The following RAP1GAP2 variants were observed in gnomAD, a reference collection of about 807,000 sequenced individuals.
RAP1GAP2 encodes the protein rap1 GTPase-activating protein 2.
A neutral mutation model predicts 95.0 loss-of-function variants in RAP1GAP2; 27 were observed. That is an observed-to-expected ratio of 0.28 (90% CI 0.21 to 0.39). The LOEUF (loss-of-function observed/expected upper bound fraction) is 0.39. Ranked by LOEUF, RAP1GAP2 falls within the 10% of genes least tolerant of loss-of-function variation. RAP1GAP2 has a pLI of 1.00. For missense variants in RAP1GAP2, 771 were observed against 970.0 expected, an observed-to-expected ratio of 0.79 and a Z score of 2.72; for synonymous variants, 373 against 380.9, an observed-to-expected ratio of 0.98 and a Z score of 0.24.
rs373381519 is a variant in RAP1GAP2 at position 2,850,714 on chromosome 17, C to A, written c.80+50164C>A. Among the ~76,000 whole-genome samples the A allele has an allele frequency of 7.9e-4, 112 of 141,002 alleles. 2 individuals are homozygous for A. In the South Asian group the frequency reaches 0.024, roughly 30 times the overall value. 92.5% of individuals were successfully genotyped at this position (141,002 alleles called of 152,430 possible). A position where few individuals can be genotyped will look rare whatever the true frequency, so the allele number is the denominator to read the frequency against. On this transcript the variant is annotated intron_variant, in intron 2 of 24. Coordinates refer to ENST00000254695, the MANE Select transcript of RAP1GAP2 (RefSeq NM_015085.5). ...GCAGTGAGCCAAGATCTTGCCACTG[C>A]ACTCCAGCCTGAGGGATGGAGCAAG...
chr17:2,890,090 A>G (rs114785129), intron 2 of RAP1GAP2, among the ~76,000 whole-genome samples: 1,973 of 151,362 alleles, frequency 0.013, 41 homozygotes, highest in African/African-American at 0.045. Flanking sequence ...GGTCCCTGGG[A>G]GCCAAATCAC....
chr17:3,010,240 T>C (rs551463619), intron 17 of RAP1GAP2, among the ~76,000 whole-genome samples: 1 of 145,850 alleles, frequency 6.9e-6, no homozygotes, highest in South Asian at 2.1e-4. Context: ...CTCAGGAGGC[T>C]GAGGCAGGAG....
chr17:2,779,991 C>G (rs57239883), intron 1 of RAP1GAP2, among the ~76,000 whole-genome samples: 22,606 of 151,892 alleles, frequency 0.15, 1,867 homozygotes, highest in East Asian at 0.34. Context: ...TCTAGCTGGG[C>G]CTTCCTAGGG....
chr17:2,841,112 G>A (rs894248374), intron 2 of RAP1GAP2, among the ~76,000 whole-genome samples: 2 of 151,804 alleles, frequency 1.3e-5, no homozygotes, highest in African/African-American at 4.8e-5. Flanking sequence ...CCGAGATTGC[G>A]CCACTGCACT....
intron 3 of RAP1GAP2, among the ~76,000 whole-genome samples, chr17:2,922,909 C>T (rs1414263389): frequency 1.3e-5 from 2 of 148,482 alleles, no homozygotes; most frequent in Non-Finnish European, 3.0e-5. Flanking sequence ...CTTGCACTAC[C>T]TTGGCTTGTG....
At position 2,911,260 on chromosome 17, in the gene RAP1GAP2, A is replaced by ATTTTTTTTTTTTTTTT. The variant is rs34227127; in HGVS notation, c.165+5904_165+5905insTTTTTTTTTTTTTTTT. Among the ~76,000 whole-genome samples, 120 of 131,978 alleles carry ATTTTTTTTTTTTTTTT rather than the reference A, an allele frequency of 9.1e-4. 4 individuals carry two copies. Among genetic ancestry groups the ATTTTTTTTTTTTTTTT allele is most frequent in the African/African-American group, 3.2e-3 (106 of 33,180 alleles). 86.6% of individuals were successfully genotyped at this position (131,978 alleles called of 152,430 possible). A position where few individuals can be genotyped will look rare whatever the true frequency, so the allele number is the denominator to read the frequency against. On this transcript the variant is annotated intron_variant, in intron 3 of 24. Transcript: ENST00000254695. ...CTCTTTGCTGTTTGTTTTGAAGGGG[A>ATTTTTTTTTTTTTTTT]TTTTTTTTTTTTGCTAATATGAAGC...
chr17:2,958,876 A>G (rs936165917), intron 4 of RAP1GAP2, among the ~76,000 whole-genome samples: 1 of 152,002 alleles, frequency 6.6e-6, no homozygotes, highest in Non-Finnish European at 1.5e-5. Flanking sequence ...GTTTGAAGGG[A>G]AAGTATTGTT....
intron 1 of RAP1GAP2, among the ~76,000 whole-genome samples, chr17:2,756,359 C>T (rs995675304): frequency 6.6e-6 from 1 of 152,226 alleles, no homozygotes; most frequent in Non-Finnish European, 1.5e-5. Flanking sequence ...TCCCCCTCCG[C>T]AGTCCTGGCC....
At chr17:2,811,036 C>T (rs2069752431) in intron 2 of RAP1GAP2, among the ~76,000 whole-genome samples, 1 of 152,058 alleles carries the variant, frequency 6.6e-6, no homozygotes, top group Non-Finnish European at 1.5e-5. Context: ...ACCCTTGGCC[C>T]GCACGTCCCC....
rs1465896974 is a variant in RAP1GAP2, at chr17:2,963,943, C to T, written c.367C>T (p.Pro123Ser). ...WIEDPENVGT[P>S]TSLGSSICEE... ...CGAGGACCCGGAGAACGTGGGCACC[C>T]CAACATCGCTGGGGAGCAGCATCTG... is the stretch of plus-strand genomic sequence containing the variant. Residue 123 changes from proline to serine, a missense_variant, in exon 7 of 25, where the codon CCA (proline) becomes TCA (serine). Pro to Ser is a moderately conservative substitution (Grantham distance 74). Transcript: ENST00000254695. The surrounding 1 kb of genome is among the most constrained non-coding windows in gnomAD (Gnocchi z 4.8). 1.9e-6 allele frequency: 3 copies of T among 1,613,102 alleles called. No individual in the cohort carries two copies. The highest frequency in any genetic ancestry group is 1.7e-5 in the Admixed American group (1 of 59,954).
chr17:2,880,208 A>C (rs1450054509), intron 2 of RAP1GAP2, among the ~76,000 whole-genome samples: 7 of 150,970 alleles, frequency 4.6e-5, no homozygotes, highest in Admixed American at 4.6e-4. Context: ...GGGGGATGGG[A>C]GTGTGGGTGA....
intron 2 of RAP1GAP2, among the ~76,000 whole-genome samples, chr17:2,856,661 C>T (rs2072150323): frequency 1.3e-5 from 2 of 152,174 alleles, no homozygotes; most frequent in African/African-American, 4.8e-5. Context: ...CAGTGAGGCC[C>T]AGGGAAGGAC....
chr17:2,958,226 A>G (rs2044191558), intron 4 of RAP1GAP2, among the ~76,000 whole-genome samples: 1 of 152,188 alleles, frequency 6.6e-6, no homozygotes, highest in African/African-American at 2.4e-5. Context: ...TACTAGCACC[A>G]GTTCCTTTCC....
At chr17:2,884,759 C>T (rs1393152274) in intron 2 of RAP1GAP2, among the ~76,000 whole-genome samples, 2 of 152,210 alleles carry the variant, frequency 1.3e-5, no homozygotes, top group Admixed American at 6.5e-5. Flanking sequence ...CAAGCCTCAG[C>T]CGACTCATCT....
At chr17:2,950,255 T>C (rs1195133947) in intron 3 of RAP1GAP2, among the ~76,000 whole-genome samples, 1 of 152,100 alleles carries the variant, frequency 6.6e-6, no homozygotes, top group Non-Finnish European at 1.5e-5. Flanking sequence ...TTTCACCATG[T>C]TGGCCAGGCT....
chr17:2,832,446 T>C lies in RAP1GAP2; in HGVS notation c.80+31896T>C, dbSNP rs570772365. ...TGTGGCGGGCACCTGTAGTCCCAGC[T>C]ACTCGGGAGGCTGAGGCAGGAGAAT... On this transcript the variant is annotated intron_variant, in intron 2 of 24. Coordinates refer to ENST00000254695, the MANE Select transcript of RAP1GAP2 (RefSeq NM_015085.5). Among the ~76,000 whole-genome samples, 351 of 148,852 alleles carry C rather than the reference T, an allele frequency of 2.4e-3. 1 individual carries two copies. The highest frequency in any genetic ancestry group is 8.2e-3 in the African/African-American group (331 of 40,392).
In RAP1GAP2 at chr17:2,940,705, C is replaced by T. The variant is rs547944147; in HGVS notation, c.166-17054C>T. Among the ~76,000 whole-genome samples, 6 of 152,322 alleles carry T rather than the reference C, an allele frequency of 3.9e-5. 1 individual carries two copies. Among genetic ancestry groups the T allele is most frequent in the South Asian group, 2.1e-4 (1 of 4,832 alleles). On this transcript the variant is annotated intron_variant, in intron 3 of 24. Coordinates refer to ENST00000254695, the MANE Select transcript of RAP1GAP2 (RefSeq NM_015085.5). Reference sequence around the variant, plus strand: ...AGACGCCCCTTCCAGCTTTGGCAGACCCTTTGTGCCCGCTCCTGGTGAACA... The same window carrying T: ...AGACGCCCCTTCCAGCTTTGGCAGATCCTTTGTGCCCGCTCCTGGTGAACA...
chr17:2,941,647 G>C (rs1468334063), intron 3 of RAP1GAP2, among the ~76,000 whole-genome samples: 1 of 149,204 alleles, frequency 6.7e-6, no homozygotes, highest in Non-Finnish European at 1.5e-5. Flanking sequence ...GAGGGATCAA[G>C]ACATCAGTGA....
At chr17:2,896,010 C>T (rs565445921) in intron 2 of RAP1GAP2, among the ~76,000 whole-genome samples, 2 of 152,246 alleles carry the variant, frequency 1.3e-5, no homozygotes, top group Admixed American at 6.5e-5. Context: ...TCCCCTTCCC[C>T]GCTTCTCCCG....
Sources: gnomAD v4.1 joint callset for allele counts (sites outside exome capture counted in the v4.1 genomes callset) on GRCh38, gnomAD v4.1.1 for gene constraint, Gnocchi (gnomAD v3.1) non-coding constraint, MANE v1.5 for transcripts, NCBI Gene and HGNC (gene_info 2026-07-23, HGNC 2026-07-21) for gene names.